Variants in HS6ST1 observed in about 807,000 individuals in gnomAD.
The protein encoded by HS6ST1 is heparan-sulfate 6-O-sulfotransferase 1.
Under a neutral mutation model 25.2 loss-of-function variants are expected in HS6ST1, and 3 were observed. That is an observed-to-expected ratio of 0.12 (90% CI 0.05 to 0.31). HS6ST1 has a LOEUF of 0.31. Among genes scored for constraint, HS6ST1 ranks in the 10% least tolerant of loss-of-function variants. The probability of loss-of-function intolerance (pLI) is 1.00; values close to 1 mark genes in which losing one functional copy is unlikely to be tolerated. For synonymous variants in HS6ST1, 204 were observed against 275.1 expected (o/e 0.74, Z 2.56); for missense variants, 310 against 609.6 (o/e 0.51, Z 5.18).
chr2:128,316,062 A>G lies in HS6ST1; in HGVS notation c.527+1975T>C, dbSNP rs1050812618. 5.3e-5 allele frequency among the ~76,000 whole-genome samples: 8 copies of G among 152,138 alleles called. No homozygotes were observed. The South Asian group carries it at 1.5e-3, about 28-fold the overall frequency. ...TCCGCCAGAGGCATCTGCGTTTTCCATTCTTGCTCCACACATGCTCCCTGG... is the reference window on the plus strand; with the variant it reads ...TCCGCCAGAGGCATCTGCGTTTTCCGTTCTTGCTCCACACATGCTCCCTGG... On this transcript the variant is annotated intron_variant, in intron 1 of 1. Transcript: ENST00000259241.
At position 128,268,754 on chromosome 2, in the gene HS6ST1, G is replaced by A. The variant is rs368934572; in HGVS notation, c.644C>T (p.Thr215Met). 3.6e-4 allele frequency: 580 copies of A among 1,612,452 alleles called. No homozygotes were observed. Among genetic ancestry groups the A allele is most frequent in the Non-Finnish European group, 4.6e-4 (539 of 1,179,904 alleles). ...GGGCGGCAGCTCCTCAGGCGTGGGC[G>A]TGCGCCCATCACACATATGCAACGA... The part of the protein sequence containing the change: ...KTSLHMCDGR[T>M]PTPEELPPCY... Residue 215 changes from threonine to methionine, a missense_variant, in exon 2 of 2, where the codon ACG (threonine) becomes ATG (methionine). Thr to Met is a moderately conservative substitution (Grantham distance 81). Coordinates refer to ENST00000259241, the MANE Select transcript of HS6ST1 (RefSeq NM_004807.3).
At chr2:128,314,675 T>C (rs1338933868) in intron 1 of HS6ST1, among the ~76,000 whole-genome samples, 1 of 152,078 alleles carries the variant, frequency 6.6e-6, no homozygotes, top group Non-Finnish European at 1.5e-5. Flanking sequence ...GCGCCATCCC[T>C]CCAGCAAGGA....
chr2:128,303,553 C>T (rs966939728), intron 1 of HS6ST1, among the ~76,000 whole-genome samples: 4 of 152,236 alleles, frequency 2.6e-5, no homozygotes, highest in African/African-American at 9.6e-5. Context: ...CTGTCTGGGC[C>T]CAGATGCTCC....
intron 1 of HS6ST1, among the ~76,000 whole-genome samples, chr2:128,276,596 G>A (rs974097635): frequency 3.3e-5 from 5 of 152,188 alleles, no homozygotes; most frequent in African/African-American, 1.2e-4. Context: ...GGTGTTCACT[G>A]TTATCCTATG....
intron 1 of HS6ST1, among the ~76,000 whole-genome samples, chr2:128,288,589 G>A (rs527538223): frequency 5.9e-5 from 9 of 152,294 alleles, no homozygotes; most frequent in Non-Finnish European, 8.8e-5. Flanking sequence ...AATGCAACCC[G>A]CGCCAGGTGC....
At chr2:128,303,738 G>A (rs1220031308) in intron 1 of HS6ST1, among the ~76,000 whole-genome samples, 1 of 152,230 alleles carries the variant, frequency 6.6e-6, no homozygotes, top group Non-Finnish European at 1.5e-5. Context: ...CTGCAGCCCA[G>A]TGTGGGTGCC....
chr2:128,292,117 CG>C (rs994865500), intron 1 of HS6ST1, among the ~76,000 whole-genome samples: 2 of 152,114 alleles, frequency 1.3e-5, no homozygotes, highest in Non-Finnish European at 2.9e-5. Context: ...GAACTGAGGC[CG>C]GGGGGGCTGG....
At chr2:128,293,285 C>T (rs1476333453) in intron 1 of HS6ST1, among the ~76,000 whole-genome samples, 1 of 152,258 alleles carries the variant, frequency 6.6e-6, no homozygotes, top group Non-Finnish European at 1.5e-5. Flanking sequence ...CCTGGCTCCC[C>T]ATAAGCCTGC....
At chr2:128,313,686 T>C (rs1187982238) in intron 1 of HS6ST1, among the ~76,000 whole-genome samples, 4 of 152,060 alleles carry the variant, frequency 2.6e-5, no homozygotes, top group African/African-American at 9.7e-5. Flanking sequence ...CAGCCAGAAC[T>C]CCTGCTGAGA....
chr2:128,308,541 G>A lies in HS6ST1; in HGVS notation c.527+9496C>T, dbSNP rs577308124. On this transcript the variant is annotated intron_variant, in intron 1 of 1. Coordinates refer to ENST00000259241, the MANE Select transcript of HS6ST1 (RefSeq NM_004807.3). ...CAGGCTGCCACCCACAGGGTCTCAC[G>A]ACCTGGGCACCAGGACAGATGTGCA... 7.9e-5 allele frequency among the ~76,000 whole-genome samples: 12 copies of A among 152,368 alleles called. No individual in the cohort carries two copies. In the South Asian group the frequency reaches 1.9e-3, roughly 24 times the overall value.
chr2:128,277,306 C>A (rs182343931), intron 1 of HS6ST1, among the ~76,000 whole-genome samples: 40 of 152,344 alleles, frequency 2.6e-4, no homozygotes, highest in African/African-American at 8.9e-4. Flanking sequence ...GCATGGCCCC[C>A]ACAGCACCCT....
At chr2:128,301,780 C>T (rs1694131463) in intron 1 of HS6ST1, among the ~76,000 whole-genome samples, 1 of 152,180 alleles carries the variant, frequency 6.6e-6, no homozygotes, top group Non-Finnish European at 1.5e-5. Context: ...TGCAGCTGAT[C>T]CTGCCCGCTG....
chr2:128,300,621 C>A (rs1189517287), intron 1 of HS6ST1, among the ~76,000 whole-genome samples: 1 of 152,174 alleles, frequency 6.6e-6, no homozygotes, highest in Non-Finnish European at 1.5e-5. Flanking sequence ...TAATTAATCT[C>A]TTCGGGGGAG....
chr2:128,299,097 GGGCCGA>G (rs1694083007), intron 1 of HS6ST1, among the ~76,000 whole-genome samples: 1 of 152,252 alleles, frequency 6.6e-6, no homozygotes, highest in African/African-American at 2.4e-5. Context: ...ACGTGGCCCA[GGGCCGA>G]GGTGTGACCT....
In HS6ST1 at chr2:128,265,992, C is replaced by T. The variant is rs1482301196; in HGVS notation, c.*2170G>A. ...TGGACACCTCAGCCCGGCGCTGGCC[C>T]GAGAGGAGACTGCTTTCCAAATGCA... On this transcript the variant is annotated 3_prime_UTR_variant, in exon 2 of 2. Coordinates refer to ENST00000259241, the MANE Select transcript of HS6ST1 (RefSeq NM_004807.3). 2.6e-5 allele frequency: 4 copies of T among 151,480 alleles called. No homozygotes were observed. Among genetic ancestry groups the T allele is most frequent in the African/African-American group, 4.9e-5 (2 of 41,184 alleles). The allele number at this position is 151,480 out of a possible 1,614,324, so 9.4% of individuals were successfully genotyped here.
intron 1 of HS6ST1, among the ~76,000 whole-genome samples, chr2:128,298,646 A>G (rs1172497241): frequency 1.3e-5 from 2 of 152,128 alleles, no homozygotes; most frequent in African/African-American, 4.8e-5. Context: ...ACGGCGTGAG[A>G]GGCTGGAGGG....
At chr2:128,299,982 G>A (rs1157054901) in intron 1 of HS6ST1, among the ~76,000 whole-genome samples, 1 of 152,136 alleles carries the variant, frequency 6.6e-6, no homozygotes. Flanking sequence ...CTTGCCAGCC[G>A]CTTCCCATCA....
At chr2:128,310,487 C>T (rs777970269) in intron 1 of HS6ST1, among the ~76,000 whole-genome samples, 5 of 152,220 alleles carry the variant, frequency 3.3e-5, no homozygotes, top group Non-Finnish European at 7.3e-5. Flanking sequence ...AAATCCTTAG[C>T]GCAGCTCCCA....
intron 1 of HS6ST1, among the ~76,000 whole-genome samples, chr2:128,282,814 C>G (rs542276966): frequency 1.3e-5 from 2 of 152,334 alleles, no homozygotes; most frequent in South Asian, 4.1e-4. Flanking sequence ...AGGGCCCAGC[C>G]TGGAAGCCTG....
Sources: gnomAD v4.1 joint callset for allele counts (sites outside exome capture counted in the v4.1 genomes callset) on GRCh38, gnomAD v4.1.1 for gene constraint, MANE v1.5 for transcripts, NCBI Gene and HGNC (gene_info 2026-07-23, HGNC 2026-07-21) for gene names.